The following LANCL1 variants were observed in gnomAD, a reference collection of about 807,000 sequenced individuals.
LANCL1 encodes the protein LanC like glutathione S-transferase 1.
A neutral mutation model predicts 50.6 loss-of-function variants in LANCL1; 50 were observed. The observed-to-expected ratio is 0.99, with a 90% CI of 0.79 to 1.25. The LOEUF is 1.25. Ranked by LOEUF, LANCL1 falls within the 50% of genes most tolerant of loss-of-function variation. The probability of loss-of-function intolerance (pLI) is 0.00; values close to 1 mark genes in which losing one functional copy is unlikely to be tolerated. For missense variants in LANCL1, 532 were observed against 480.7 expected (o/e 1.11, Z -1.00); for synonymous variants, 188 against 178.6 (o/e 1.05, Z -0.42).
At position 210,441,469 on chromosome 2, in the gene LANCL1, A is replaced by G. The variant is rs759269559; in HGVS notation, c.408-26T>C. 5 of 1,587,136 alleles carry G rather than the reference A, an allele frequency of 3.2e-6. No individual in the cohort carries two copies. In the Admixed American group the frequency reaches 8.8e-5, roughly 28 times the overall value. Reference sequence around the variant, plus strand: ...CTAAAAATAAAAATACATGCCCCAAATAATTTGAAAGGAACCAGGTATTGG... The same window carrying G: ...CTAAAAATAAAAATACATGCCCCAAGTAATTTGAAAGGAACCAGGTATTGG... On this transcript the variant is annotated intron_variant, in intron 4 of 9. Coordinates refer to ENST00000450366, the MANE Select transcript of LANCL1 (RefSeq NM_006055.3).
chr2:210,471,883 A>G lies in LANCL1; in HGVS notation c.199+76T>C. The G allele has an allele frequency of 2.9e-6, 3 of 1,020,528 alleles. No homozygotes were observed. The South Asian group carries it at 3.8e-5, about 13-fold the overall frequency. 63.2% of individuals were successfully genotyped at this position (1,020,528 alleles called of 1,614,324 possible). ...GGAAGCATTTAAGGGTGTACCATTC[A>G]GACAGACAGCTCTCGGAAAAATGCT... On this transcript the variant is annotated intron_variant, in intron 3 of 9. Coordinates refer to ENST00000450366, the MANE Select transcript of LANCL1 (RefSeq NM_006055.3).
At chr2:210,469,776 A>G (rs988873829) in intron 3 of LANCL1, among the ~76,000 whole-genome samples, 2 of 152,202 alleles carry the variant, frequency 1.3e-5, no homozygotes, top group African/African-American at 4.8e-5. Flanking sequence ...TGGGTTCTCA[A>G]CTAGCCCTAG....
chr2:210,456,469 C>T (rs185980383), intron 3 of LANCL1, among the ~76,000 whole-genome samples: 1 of 152,120 alleles, frequency 6.6e-6, no homozygotes, highest in African/African-American at 2.4e-5. Flanking sequence ...AGTTAATAAC[C>T]TTGACTGCTC....
At chr2:210,464,996 T>G (rs2105920326) in intron 3 of LANCL1, among the ~76,000 whole-genome samples, 1 of 123,330 alleles carries the variant, frequency 8.1e-6, no homozygotes, top group African/African-American at 3.0e-5. Flanking sequence ...AAAAAACTTA[T>G]GCGTACAGAC....
intron 2 of LANCL1, 34 bp downstream of exon 2, chr2:210,476,282 G>C (rs1253106637): frequency 4.0e-6 from 6 of 1,515,696 alleles, no homozygotes; most frequent in Non-Finnish European, 3.7e-6. Flanking sequence ...CGTGGGGAGA[G>C]GCAGGGATGC....
At chr2:210,451,968 G>A (rs984170226) in intron 4 of LANCL1, among the ~76,000 whole-genome samples, 23 of 152,084 alleles carry the variant, frequency 1.5e-4, no homozygotes, top group Non-Finnish European at 2.4e-4. Flanking sequence ...TATAAAATAC[G>A]TAAAATAAGC....
chr2:210,472,058 G>A lies in LANCL1; in HGVS notation c.100C>T (p.Gln34Ter), dbSNP rs771054466. ...AAGRLTPEFS[Q>*]RLTNKIRELL... ...TCCCGAATCTTATTGGTCAAGCGTT[G>A]TGAGAACTCAGGAGTCAGCTAGATA... The change falls in exon 3 of 10, where the codon CAA becomes TAA. Residue 34 changes from glutamine to a stop codon, truncating the protein, a stop_gained. Coordinates refer to ENST00000450366, the MANE Select transcript of LANCL1 (RefSeq NM_006055.3). LOFTEE classifies it high-confidence loss of function. 1 of 1,613,668 alleles carries A rather than the reference G, an allele frequency of 6.2e-7. No homozygotes were observed. Among genetic ancestry groups the A allele is most frequent in the East Asian group, 2.2e-5 (1 of 44,900 alleles).
chr2:210,448,027 T>C (rs1693397324), intron 4 of LANCL1, among the ~76,000 whole-genome samples: 1 of 152,144 alleles, frequency 6.6e-6, no homozygotes, highest in South Asian at 2.1e-4. Context: ...TATAAAACTC[T>C]CCACCCCAAA....
intron 4 of LANCL1, among the ~76,000 whole-genome samples, chr2:210,453,729 A>C (rs1405922280): frequency 6.6e-6 from 1 of 152,026 alleles, no homozygotes; most frequent in Non-Finnish European, 1.5e-5. Flanking sequence ...TCAGCTATGT[A>C]AAAAAAATTA....
intron 4 of LANCL1, among the ~76,000 whole-genome samples, chr2:210,450,882 G>T (rs1310319697): frequency 6.6e-6 from 1 of 152,154 alleles, no homozygotes; most frequent in Non-Finnish European, 1.5e-5. Flanking sequence ...ACTGTTGGTG[G>T]GAGTGTAAAT....
At chr2:210,477,534 C>T (rs2105935858), upstream of LANCL1, 1 of 1,311,280 alleles carries the variant, frequency 7.6e-7, no homozygotes, top group Admixed American at 3.5e-5. Flanking sequence ...TTTTCCTTCT[C>T]TCCGGTTTCA....
At chr2:210,472,579 T>A in intron 2 of LANCL1, among the ~76,000 whole-genome samples, 1 of 152,182 alleles carries the variant, frequency 6.6e-6, no homozygotes, top group Non-Finnish European at 1.5e-5. Context: ...TCAAGAGCCT[T>A]AAGCAGAATA....
intron 2 of LANCL1, 62 bp downstream of exon 2, chr2:210,476,254 G>T: frequency 8.3e-7 from 1 of 1,199,618 alleles, no homozygotes; most frequent in South Asian, 1.3e-5. Flanking sequence ...AGGCAAAAAT[G>T]AGCACCTTTC....
rs1045159930 is a variant in LANCL1 at position 210,433,884 on chromosome 2, A to G, written c.*603T>C. 5.3e-5 allele frequency: 8 copies of G among 152,206 alleles called. No homozygotes were observed. Among genetic ancestry groups the G allele is most frequent in the Non-Finnish European group, 7.3e-5 (5 of 68,028 alleles). 9.4% of individuals were successfully genotyped at this position (152,206 alleles called of 1,614,324 possible). On this transcript the variant is annotated 3_prime_UTR_variant, in exon 10 of 10. Coordinates refer to ENST00000450366, the MANE Select transcript of LANCL1 (RefSeq NM_006055.3). ...ACCGACAAAAACAGGCCAATCTGAA[A>G]GTATGTTTACCTCTAGTCCAAATAG...
At position 210,461,791 on chromosome 2, in the gene LANCL1, A is replaced by G. The variant is rs151317691; in HGVS notation, c.200-6477T>C. On this transcript the variant is annotated intron_variant, in intron 3 of 9. Coordinates refer to ENST00000450366, the MANE Select transcript of LANCL1 (RefSeq NM_006055.3). ...GAGCTGATCATCATTTCCCTTAAGA[A>G]TCGTCACAGTTAAGAGTGGGAAAAA... Among the ~76,000 whole-genome samples the G allele has an allele frequency of 1.1e-4, 17 of 151,954 alleles. No homozygotes were observed. The East Asian group carries it at 3.1e-3, about 28-fold the overall frequency.
At chr2:210,447,886 G>A (rs892408162) in intron 4 of LANCL1, among the ~76,000 whole-genome samples, 8 of 152,124 alleles carry the variant, frequency 5.3e-5, no homozygotes, top group Non-Finnish European at 1.0e-4. Flanking sequence ...AAGAGACTTA[G>A]ACTCCCACAC....
intron 3 of LANCL1, among the ~76,000 whole-genome samples, chr2:210,462,019 G>A (rs1252228894): frequency 6.6e-6 from 1 of 152,134 alleles, no homozygotes; most frequent in Non-Finnish European, 1.5e-5. Context: ...AGTGTTTTGT[G>A]GTTTCCATTT....
chr2:210,475,256 A>G (rs182826030), intron 2 of LANCL1, among the ~76,000 whole-genome samples: 1 of 152,222 alleles, frequency 6.6e-6, no homozygotes, highest in African/African-American at 2.4e-5. Flanking sequence ...TATGGCTGAC[A>G]AGTTTCAAAG....
Position 210,431,713 on chromosome 2 carries a change from A to C in LANCL1, c.*2774T>G, listed in dbSNP as rs908382594. ...TAACCCTAGATCCACTTTTACCTAA[A>C]ACTCTACCTACCATGAAGGTTTTTG... On this transcript the variant is annotated 3_prime_UTR_variant, in exon 10 of 10. Transcript: ENST00000450366. 7.9e-5 allele frequency: 12 copies of C among 152,170 alleles called. No homozygotes were observed. The highest frequency in any genetic ancestry group is 2.9e-4 in the African/African-American group (12 of 41,450). 9.4% of individuals were successfully genotyped at this position (152,170 alleles called of 1,614,324 possible).
Sources: allele counts gnomAD v4.1 joint callset (sites outside exome capture counted in the v4.1 genomes callset), GRCh38; gene constraint gnomAD v4.1.1; transcripts MANE v1.5; gene names NCBI Gene and HGNC (gene_info 2026-07-23, HGNC 2026-07-21).